Variants in LRP2 observed in about 807,000 individuals in gnomAD.
The protein encoded by LRP2 is LDL receptor related protein 2.
A neutral mutation model predicts 531.0 loss-of-function variants in LRP2; 172 were observed. The observed-to-expected ratio is 0.32, with a 90% CI of 0.29 to 0.37. The LOEUF (loss-of-function observed/expected upper bound fraction) is 0.37. Among genes scored for constraint, LRP2 ranks in the 10% least tolerant of loss-of-function variants. The pLI is 1.00. For synonymous variants in LRP2, 1,992 were observed against 2,027.6 expected, an observed-to-expected ratio of 0.98 and a Z score of 0.47; for missense variants, 5,167 against 5,868.3, an observed-to-expected ratio of 0.88 and a Z score of 3.90.
chr2:169,199,740 A>C (rs1323807879), intron 44 of LRP2, among the ~76,000 whole-genome samples: 1 of 152,236 alleles, frequency 6.6e-6, no homozygotes, highest in Non-Finnish European at 1.5e-5. Flanking sequence ...TAATCTAAAA[A>C]GCAAGAAGAA....
chr2:169,190,962 G>A (rs1206400734), intron 48 of LRP2, among the ~76,000 whole-genome samples: 2 of 152,208 alleles, frequency 1.3e-5, no homozygotes, highest in Non-Finnish European at 2.9e-5. Context: ...ACTGTTTGAA[G>A]AGGCCCATTT....
intron 52 of LRP2, among the ~76,000 whole-genome samples, chr2:169,179,428 T>C (rs552314140): frequency 2.0e-5 from 3 of 152,000 alleles, no homozygotes; most frequent in African/African-American, 4.8e-5. Flanking sequence ...TTGTCAAGAG[T>C]AGAACTACAC....
chr2:169,314,417 C>T (rs922449522), intron 3 of LRP2, among the ~76,000 whole-genome samples: 10 of 135,470 alleles, frequency 7.4e-5, no homozygotes, highest in African/African-American at 3.0e-4. Flanking sequence ...AGCAAGACCC[C>T]TGTCTCTAAA....
intron 4 of LRP2, among the ~76,000 whole-genome samples, chr2:169,300,787 T>C (rs181169727): frequency 6.6e-6 from 1 of 152,096 alleles, no homozygotes. Flanking sequence ...TTCTTCTTTC[T>C]GGCTTCAGGG....
In LRP2 at chr2:169,244,818, G is replaced by A. The variant is rs752090158; in HGVS notation, c.3305C>T (p.Pro1102Leu). ...AAGGCAGGAAGCAGGTGCGTGGGTG[G>A]GGCAGTTGTGCTCATCACTGCCATC... ...CVDGSDEHNC[P>L]THAPASCLDT... is the part of the protein sequence containing the mutation. Residue 1102 changes from proline to leucine, a missense_variant, in exon 22 of 79, where the codon CCC becomes CTC. This residue lies in a region of LRP2 where 2,811 missense variants were observed against 3,058.0 expected (regional missense o/e 0.92). Transcript: ENST00000649046. 1 of 1,614,184 alleles carries A rather than the reference G, an allele frequency of 6.2e-7. No homozygotes were observed. Among genetic ancestry groups the A allele is most frequent in the Middle Eastern group, 1.6e-4 (1 of 6,062 alleles).
intron 69 of LRP2, among the ~76,000 whole-genome samples, chr2:169,146,153 C>T (rs1002580602): frequency 2.0e-5 from 3 of 152,070 alleles, no homozygotes; most frequent in East Asian, 1.9e-4. Context: ...GTATACCACC[C>T]GACACCAATC....
chr2:169,228,378 TTTAA>T (rs1279900506), intron 31 of LRP2, among the ~76,000 whole-genome samples: 1 of 152,110 alleles, frequency 6.6e-6, no homozygotes, highest in Non-Finnish European at 1.5e-5. Flanking sequence ...TGAGATGATA[TTTAA>T]TTATTTATTG....
chr2:169,239,518 A>G lies in LRP2; in HGVS notation c.4294+9T>C. 6.2e-7 allele frequency: 1 copy of G among 1,614,076 alleles called. No homozygotes were observed. Among genetic ancestry groups the G allele is most frequent in the South Asian group, 1.1e-5 (1 of 91,076 alleles). ...CTGATAAACTGGCTCGGGTTAGTTC[A>G]GCAATTACCTGTAACTTTGCAAGTC... On this transcript the variant is annotated intron_variant, in intron 26 of 78. Coordinates refer to ENST00000649046, the MANE Select transcript of LRP2 (RefSeq NM_004525.3).
intron 1 of LRP2, among the ~76,000 whole-genome samples, chr2:169,348,965 G>C (rs1484667531): frequency 6.6e-6 from 1 of 152,176 alleles, no homozygotes; most frequent in African/African-American, 2.4e-5. Flanking sequence ...TAGTACCAGG[G>C]AATGGTGATG....
intron 60 of LRP2, 23 bp downstream of exon 60, chr2:169,169,679 T>C (rs775469522): frequency 3.8e-6 from 6 of 1,574,166 alleles, no homozygotes; most frequent in South Asian, 1.1e-5. Flanking sequence ...TAAGCAGTAC[T>C]ACATATGTGT....
chr2:169,333,704 T>C (rs1222180208), intron 1 of LRP2, among the ~76,000 whole-genome samples: 1 of 152,096 alleles, frequency 6.6e-6, no homozygotes, highest in Admixed American at 6.5e-5. Context: ...TATTTGCAAA[T>C]ACTCTCATGG....
Position 169,193,829 on chromosome 2 carries a change from C to G in LRP2, c.8762G>C (p.Ser2921Thr). The change falls in exon 47 of 79, where the codon AGC (serine) becomes ACC (threonine). Residue 2921 changes from serine (S) to threonine (T), a missense_variant. Physicochemically the swap from Ser to Thr is moderately conservative, Grantham distance 58. Around this residue, in one of 6 missense-constraint regions of LRP2, gnomAD observed 1,129 missense variants for 1,362.7 expected, o/e 0.83. Transcript: ENST00000649046. ...FKCDGGRCIP[S>T]EWICDGDNDC... is the part of the protein sequence containing the mutation. ...ATTATCACCGTCACAGATCCATTCG[C>G]TTGGGATGCACCTCCCACCATCACA... 6.2e-7 allele frequency: 1 copy of G among 1,614,176 alleles called. No individual in the cohort carries two copies. Among genetic ancestry groups the G allele is most frequent in the Non-Finnish European group, 8.5e-7 (1 of 1,180,022 alleles).
Position 169,294,255 on chromosome 2 carries a change from A to G in LRP2, c.545T>C (p.Ile182Thr), listed in dbSNP as rs754431141. 1 of 1,584,804 alleles carries G rather than the reference A, an allele frequency of 6.3e-7. No homozygotes were observed. The highest frequency in any genetic ancestry group is 8.7e-7 in the Non-Finnish European group (1 of 1,153,242). Residue 182 changes from isoleucine to threonine, a missense_variant, in exon 6 of 79, where the codon ATA becomes ACA. Transcript: ENST00000649046. ...DSSDEINCTE[I>T]CLHNEFSCGN... The stretch of plus-strand genomic sequence containing the variant: ...ACATGAAAACTCATTGTGCAAGCAT[A>G]TCTCAGCTGCAACAGAAAGTTAAGA...
intron 19 of LRP2, among the ~76,000 whole-genome samples, chr2:169,247,760 G>T (rs568956477): frequency 1.6e-4 from 25 of 152,282 alleles, no homozygotes; most frequent in Admixed American, 1.5e-3. Context: ...GTTTTATGAT[G>T]GCATTTAGTA....
chr2:169,299,877 C>T (rs1684244295), intron 4 of LRP2, among the ~76,000 whole-genome samples: 2 of 152,118 alleles, frequency 1.3e-5, no homozygotes, highest in Admixed American at 1.3e-4. Flanking sequence ...GTGGCTCAGC[C>T]TCCCTGCTGG....
intron 34 of LRP2, among the ~76,000 whole-genome samples, chr2:169,219,247 AATACAAATT>A (rs1311317690): frequency 6.6e-6 from 1 of 152,192 alleles, no homozygotes; most frequent in Non-Finnish European, 1.5e-5. Flanking sequence ...ACAGAGCGCT[AATACAAATT>A]ACTTCTTCAG....
chr2:169,347,287 C>T (rs1358490176), intron 1 of LRP2, among the ~76,000 whole-genome samples: 4 of 152,090 alleles, frequency 2.6e-5, no homozygotes, highest in Non-Finnish European at 4.4e-5. Context: ...GATCTTTGGC[C>T]GTAGTGAGAG....
rs72890405 is a variant in LRP2, at chr2:169,139,138, C to A, written c.13388+113G>T. On this transcript the variant is annotated intron_variant, in intron 74 of 78. Coordinates refer to ENST00000649046, the MANE Select transcript of LRP2 (RefSeq NM_004525.3). ...TCACTACTTTTTGTTTCTGTGGAATCGGTGAACTGCGTATTGTGCTTTTTT... is the reference window on the plus strand; with the variant it reads ...TCACTACTTTTTGTTTCTGTGGAATAGGTGAACTGCGTATTGTGCTTTTTT... 27,099 of 1,481,706 alleles carry A rather than the reference C, an allele frequency of 0.018. 316 individuals carry two copies. Among genetic ancestry groups the A allele is most frequent in the Middle Eastern group, 0.042 (245 of 5,828 alleles). 91.8% of individuals were successfully genotyped at this position (1,481,706 alleles called of 1,614,324 possible).
chr2:169,256,747 C>T (rs1402459071), intron 18 of LRP2, among the ~76,000 whole-genome samples: 1 of 152,022 alleles, frequency 6.6e-6, no homozygotes, highest in Non-Finnish European at 1.5e-5. Context: ...CCAAAGATTT[C>T]CTAAACTCAA....
Sources: allele counts gnomAD v4.1 joint callset (sites outside exome capture counted in the v4.1 genomes callset), GRCh38; gene constraint gnomAD v4.1.1; regional missense constraint gnomAD v4.1.1; transcripts MANE v1.5; gene names NCBI Gene and HGNC (gene_info 2026-07-23, HGNC 2026-07-21).